SPECC1: variants seen among roughly 807,000 people sequenced by gnomAD.
The protein encoded by SPECC1 is cytospin-B.
A neutral mutation model predicts 104.1 loss-of-function variants in SPECC1; 62 were observed. The ratio of observed to expected loss-of-function variants is 0.60; its 90% confidence interval spans 0.49 to 0.74. SPECC1 has a LOEUF of 0.74. Among genes scored for constraint, SPECC1 ranks in the 30% least tolerant of loss-of-function variants. The probability of loss-of-function intolerance (pLI) is 0.00; values close to 1 mark genes in which losing one functional copy is unlikely to be tolerated. For synonymous variants in SPECC1, 513 were observed against 501.6 expected (o/e 1.02, Z -0.30); for missense variants, 1,306 against 1,310.5 (o/e 1.00, Z 0.05).
intron 1 of SPECC1, among the ~76,000 whole-genome samples, chr17:20,023,035 C>CA (rs1217940573): frequency 3.3e-5 from 5 of 152,116 alleles, no homozygotes; most frequent in African/African-American, 1.2e-4. Flanking sequence ...CAAACAAACC[C>CA]AAAAAACTAT....
chr17:20,163,933 C>CA (rs957317217), intron 3 of SPECC1, among the ~76,000 whole-genome samples: 5 of 152,148 alleles, frequency 3.3e-5, no homozygotes, highest in African/African-American at 1.2e-4. Flanking sequence ...ATTAATTACT[C>CA]AGTTACATAT....
At chr17:20,234,881 A>C (rs1232500724) in intron 7 of SPECC1, among the ~76,000 whole-genome samples, 1 of 152,240 alleles carries the variant, frequency 6.6e-6, no homozygotes, top group Non-Finnish European at 1.5e-5. Flanking sequence ...TATCTAACTC[A>C]TCCATGATCT....
intron 1 of SPECC1, among the ~76,000 whole-genome samples, chr17:20,063,166 C>T (rs959574911): frequency 6.6e-6 from 1 of 152,092 alleles, no homozygotes; most frequent in East Asian, 1.9e-4. Context: ...TTAAAAATAC[C>T]TCATTGCTTT....
chr17:20,265,497 A>C lies in SPECC1; in HGVS notation c.2940+5203A>C, dbSNP rs2040188390. Among the ~76,000 whole-genome samples the C allele has an allele frequency of 1.3e-5, 2 of 152,076 alleles. 1 individual carries two copies. Among genetic ancestry groups the C allele is most frequent in the South Asian group, 4.2e-4 (2 of 4,812 alleles). ...GGATTTAAGTTCTTATAGATTCTGG[A>C]TATTAGATGCATAGTTTGTGAATAT... On this transcript the variant is annotated intron_variant, in intron 12 of 14. Coordinates refer to ENST00000395527, the MANE Select transcript of SPECC1 (RefSeq NM_001243439.2).
intron 3 of SPECC1, among the ~76,000 whole-genome samples, chr17:20,194,507 T>TTTTTTTTTTTTTTTTTTATTTTTTA (rs2035891654): frequency 1.6e-5 from 2 of 121,614 alleles, no homozygotes; most frequent in South Asian, 6.0e-4. Flanking sequence ...AACGAATTTT[T>TTTTTTTTTTTTTTTTTTATTTTTTA]TTTTTTTTTT....
At chr17:20,013,562 C>T (rs2044012787) in intron 1 of SPECC1, among the ~76,000 whole-genome samples, 1 of 152,152 alleles carries the variant, frequency 6.6e-6, no homozygotes. Context: ...AGTGCAGTGG[C>T]ACGATCTCCG....
intron 11 of SPECC1, 101 bp from the exon 12 acceptor site, chr17:20,260,091 C>G (rs1252257758): frequency 3.5e-6 from 3 of 860,412 alleles, no homozygotes; most frequent in African/African-American, 1.7e-5. Context: ...GCTGGATAAA[C>G]TAGACTTTTG....
intron 1 of SPECC1, among the ~76,000 whole-genome samples, chr17:20,045,852 G>C (rs1266603971): frequency 1.3e-5 from 2 of 152,102 alleles, no homozygotes; most frequent in Non-Finnish European, 2.9e-5. Context: ...GGTCACAGGT[G>C]AGGTGATGCA....
At position 20,298,948 on chromosome 17, in the gene SPECC1, AGT is replaced by A. The variant is rs1555535565; in HGVS notation, c.3057+1894_3057+1895del. The stretch of plus-strand genomic sequence containing the variant: ...GAGAGAGAGAGAGAGAGAGAGAGAG[AGT>A]GTGTGTGTGTGTGTGTGTGTGTATG... On this transcript the variant is annotated intron_variant, in intron 13 of 14. Coordinates refer to ENST00000395527, the MANE Select transcript of SPECC1 (RefSeq NM_001243439.2). Among the ~76,000 whole-genome samples the A allele has an allele frequency of 1.3e-3, 64 of 48,998 alleles. 1 individual carries two copies. Among genetic ancestry groups the A allele is most frequent in the Admixed American group, 1.9e-3 (9 of 4,774 alleles). 32.1% of individuals were successfully genotyped at this position (48,998 alleles called of 152,430 possible). A position where few individuals can be genotyped will look rare whatever the true frequency, so the allele number is the denominator to read the frequency against.
At chr17:20,112,717 C>T (rs185628871) in intron 3 of SPECC1, 94 of 1,161,958 alleles carry the variant, frequency 8.1e-5, no homozygotes, top group Admixed American at 3.5e-4. Flanking sequence ...AGGATCCTTC[C>T]GGTCTTAAAG....
At chr17:20,083,356 C>G (rs557531389) in intron 1 of SPECC1, among the ~76,000 whole-genome samples, 1 of 152,280 alleles carries the variant, frequency 6.6e-6, no homozygotes, top group South Asian at 2.1e-4. Flanking sequence ...AGACAAAATG[C>G]TTGGAATTTA....
Position 20,013,118 on chromosome 17 carries a change from T to C in SPECC1, c.-22+3694T>C, listed in dbSNP as rs146550206. ...CCATATATTTATCAAAGGATATTTA[T>C]GTTGGTTCCACATCATAGCTATTAT... On this transcript the variant is annotated intron_variant, in intron 1 of 14. Coordinates refer to ENST00000395527, the MANE Select transcript of SPECC1 (RefSeq NM_001243439.2). Among the ~76,000 whole-genome samples the C allele has an allele frequency of 5.4e-3, 830 of 152,370 alleles. 9 individuals carry two copies. The highest frequency in any genetic ancestry group is 0.019 in the African/African-American group (776 of 41,584).
At chr17:20,188,535 C>CAG (rs2035438207) in intron 3 of SPECC1, among the ~76,000 whole-genome samples, 1 of 152,110 alleles carries the variant, frequency 6.6e-6, no homozygotes. Flanking sequence ...CCTTGGCCTC[C>CAG]CAAAGTGCTG....
intron 12 of SPECC1, among the ~76,000 whole-genome samples, chr17:20,263,015 A>G (rs1288482162): frequency 2.0e-5 from 3 of 151,800 alleles, no homozygotes; most frequent in Non-Finnish European, 2.9e-5. Context: ...AAAACCTGTC[A>G]TGCTACTGAC....
At chr17:20,061,694 T>A (rs911948540) in intron 1 of SPECC1, among the ~76,000 whole-genome samples, 1 of 152,200 alleles carries the variant, frequency 6.6e-6, no homozygotes, top group Non-Finnish European at 1.5e-5. Context: ...TCCTTACCAA[T>A]CACATAAATT....
At chr17:20,018,836 C>T (rs1376596747) in intron 1 of SPECC1, among the ~76,000 whole-genome samples, 1 of 152,164 alleles carries the variant, frequency 6.6e-6, no homozygotes, top group African/African-American at 2.4e-5. Flanking sequence ...ATGCTGTCTA[C>T]CAGGGAAACT....
Position 20,306,078 on chromosome 17 carries a change from G to C in SPECC1, c.3113G>C (p.Ser1038Thr). ...EAAESVGIKP[S>T]LELSEMLYTD... is the part of the protein sequence containing the mutation. ...GCTGAAAGTGTAGGCATCAAACCCA[G>C]CCTGGTACGTATCCTATTTTGTATC... The change falls in exon 14 of 15, where the codon AGC becomes ACC. Residue 1038 changes from serine to threonine, a missense_variant. Ser to Thr is a moderately conservative substitution (Grantham distance 58). This residue lies in a region of SPECC1 where 129 missense variants were observed against 170.6 expected (regional missense o/e 0.76). Coordinates refer to ENST00000395527, the MANE Select transcript of SPECC1 (RefSeq NM_001243439.2). The C allele has an allele frequency of 6.2e-7, 1 of 1,613,600 alleles. No individual in the cohort carries two copies. Among genetic ancestry groups the C allele is most frequent in the South Asian group, 1.1e-5 (1 of 90,992 alleles).
In SPECC1 at chr17:20,009,435, G is replaced by A. The variant is rs1272959420; in HGVS notation, c.-22+11G>A. On this transcript the variant is annotated intron_variant, in intron 1 of 14. Transcript: ENST00000395527. This position sits in a 1 kb window ranked among gnomAD's most constrained non-coding sequence, Gnocchi z 5.2. ...GAGCCAGCGGGGCCGGTGAGTACTA[G>A]CCGCGCCGCCAGCCCGCCCGCCGGC... 2.0e-5 allele frequency: 3 copies of A among 152,240 alleles called. No individual in the cohort carries two copies. The highest frequency in any genetic ancestry group is 4.4e-5 in the Non-Finnish European group (3 of 68,128). 9.4% of individuals were successfully genotyped at this position (152,240 alleles called of 1,614,324 possible). A position where few individuals can be genotyped will look rare whatever the true frequency, so the allele number is the denominator to read the frequency against.
intron 3 of SPECC1, among the ~76,000 whole-genome samples, chr17:20,167,168 A>G (rs1402529918): frequency 1.4e-5 from 2 of 147,808 alleles, no homozygotes; most frequent in Non-Finnish European, 3.0e-5. Flanking sequence ...TATATTATAT[A>G]TAGTGTATGT....
Sources: allele counts gnomAD v4.1 joint callset (sites outside exome capture counted in the v4.1 genomes callset), GRCh38; gene constraint gnomAD v4.1.1; regional missense constraint gnomAD v4.1.1; non-coding constraint Gnocchi (gnomAD v3.1); transcripts MANE v1.5; gene names NCBI Gene and HGNC (gene_info 2026-07-23, HGNC 2026-07-21).